TMEM117: variants seen among roughly 807,000 people sequenced by gnomAD.
TMEM117 encodes transmembrane protein 117.
A neutral mutation model predicts 52.4 loss-of-function variants in TMEM117; 27 were observed. That is an observed-to-expected ratio of 0.51 (90% CI 0.38 to 0.71). The LOEUF (loss-of-function observed/expected upper bound fraction) is 0.71. Among genes scored for constraint, TMEM117 ranks in the 30% least tolerant of loss-of-function variants. The pLI is 0.00. For synonymous variants in TMEM117, 215 were observed against 206.3 expected (o/e 1.04, Z -0.36); for missense variants, 556 against 630.5 (o/e 0.88, Z 1.26).
intron 6 of TMEM117, chr12:44,376,393 G>C (rs561377599): frequency 3.0e-6 from 2 of 665,224 alleles, no homozygotes; most frequent in South Asian, 1.6e-5. Context: ...GAAGATATAA[G>C]TTATGACTTA....
intron 5 of TMEM117, among the ~76,000 whole-genome samples, chr12:44,286,343 T>C (rs753922800): frequency 6.6e-5 from 10 of 151,010 alleles, no homozygotes; most frequent in Non-Finnish European, 1.3e-4. Context: ...AATAAATATG[T>C]TTTATTGTGT....
chr12:44,370,021 T>G (rs188123373), intron 6 of TMEM117, among the ~76,000 whole-genome samples: 21 of 152,304 alleles, frequency 1.4e-4, no homozygotes, highest in Admixed American at 1.3e-3. Context: ...TCTCTTAACA[T>G]TCAACCTTGC....
rs922891386 is a variant in TMEM117 at position 44,366,245 on chromosome 12, GGATTGT to G, written c.769-10348_769-10343del. ...GCTGTAGCCACCTCAGGCTTTGAAT[GGATTGT>G]GTCGGTATAAAGATAGGCAACTGCT... On this transcript the variant is annotated intron_variant, in intron 6 of 7. Coordinates refer to ENST00000266534, the MANE Select transcript of TMEM117 (RefSeq NM_032256.3). 6.7e-4 allele frequency among the ~76,000 whole-genome samples: 102 copies of G among 151,956 alleles called. 2 individuals are homozygous for G. Among genetic ancestry groups the G allele is most frequent in the Non-Finnish European group, 2.4e-4 (16 of 67,950 alleles).
intron 2 of TMEM117, among the ~76,000 whole-genome samples, chr12:43,878,385 T>C (rs1011861499): frequency 1.1e-4 from 17 of 152,328 alleles, no homozygotes; most frequent in African/African-American, 4.1e-4. Flanking sequence ...GCTGAAAATA[T>C]GGTCAGCTTA....
downstream of TMEM117, among the ~76,000 whole-genome samples, chr12:44,392,010 A>C (rs1055048873): frequency 6.6e-6 from 1 of 152,174 alleles, no homozygotes; most frequent in Admixed American, 6.6e-5. Context: ...TCTGCAGCAG[A>C]TAAACTGGCA....
Position 44,353,103 on chromosome 12 carries a change from G to A in TMEM117, c.769-23492G>A, listed in dbSNP as rs545514129. Among the ~76,000 whole-genome samples the A allele has an allele frequency of 1.4e-3, 218 of 151,990 alleles. 1 individual carries two copies. The highest frequency in any genetic ancestry group is 5.4e-3 in the South Asian group (26 of 4,804). On this transcript the variant is annotated intron_variant, in intron 6 of 7. Transcript: ENST00000266534. ...GCTGCATAAATGTCTTCTTTTGAGC[G>A]GTGTCTGTTCATATCCTTTGCCCAC...
intron 2 of TMEM117, among the ~76,000 whole-genome samples, chr12:43,861,209 G>A (rs891789182): frequency 7.9e-5 from 12 of 152,186 alleles, no homozygotes; most frequent in African/African-American, 2.9e-4. Flanking sequence ...GGAAGTCACA[G>A]TTGATTGTCT....
chr12:44,372,385 A>G (rs1019957187), intron 6 of TMEM117, among the ~76,000 whole-genome samples: 2 of 152,102 alleles, frequency 1.3e-5, no homozygotes, highest in African/African-American at 2.4e-5. Context: ...CTTCTATACA[A>G]TCTGTATATA....
At chr12:44,146,838 T>C (rs1015451415) in intron 4 of TMEM117, among the ~76,000 whole-genome samples, 1 of 152,224 alleles carries the variant, frequency 6.6e-6, no homozygotes, top group African/African-American at 2.4e-5. Context: ...AAAGTGTGTC[T>C]TTTATATATT....
chr12:44,070,754 T>G (rs2137981129), intron 3 of TMEM117, among the ~76,000 whole-genome samples: 1 of 152,302 alleles, frequency 6.6e-6, no homozygotes, highest in Non-Finnish European at 1.5e-5. Flanking sequence ...ACTTTAGCAT[T>G]ATATGAATAC....
intron 6 of TMEM117, among the ~76,000 whole-genome samples, chr12:44,359,011 A>C (rs1180136929): frequency 1.3e-5 from 2 of 152,178 alleles, no homozygotes; most frequent in Non-Finnish European, 2.9e-5. Flanking sequence ...TTATCCCATT[A>C]AATCTCACAG....
the TMEM117 span, chr12:43,797,587 C>A: frequency 7.0e-7 from 1 of 1,427,654 alleles, no homozygotes; most frequent in African/African-American, 1.4e-5. Context: ...TGAACATTTA[C>A]AAAATGAATT....
At chr12:44,230,238 C>T (rs1949915332) in intron 5 of TMEM117, among the ~76,000 whole-genome samples, 1 of 152,038 alleles carries the variant, frequency 6.6e-6, no homozygotes, top group South Asian at 2.1e-4. Flanking sequence ...GAGGGGCTGA[C>T]CCCTCGATAT....
chr12:44,036,471 T>C (rs900312555), intron 3 of TMEM117, among the ~76,000 whole-genome samples: 1 of 152,226 alleles, frequency 6.6e-6, no homozygotes, highest in Non-Finnish European at 1.5e-5. Context: ...TTATTTTTCA[T>C]TTGTGGAACT....
chr12:44,218,566 A>T (rs1565604855), intron 5 of TMEM117, among the ~76,000 whole-genome samples: 2 of 152,190 alleles, frequency 1.3e-5, no homozygotes, highest in South Asian at 2.1e-4. Flanking sequence ...TCCTCTGAAC[A>T]TGCCAAGGTT....
chr12:44,147,242 ACATGGGGTGTCT>A (rs1444790271), intron 4 of TMEM117, among the ~76,000 whole-genome samples: 1 of 152,192 alleles, frequency 6.6e-6, no homozygotes, highest in Non-Finnish European at 1.5e-5. Flanking sequence ...AAATAAAACA[ACATGGGGTGTCT>A]CACGAGACAC....
At chr12:44,377,919 G>T (rs1951964740) in intron 7 of TMEM117, among the ~76,000 whole-genome samples, 1 of 152,206 alleles carries the variant, frequency 6.6e-6, no homozygotes, top group African/African-American at 2.4e-5. Context: ...GAATAGGGAA[G>T]ATGCAGCAGG....
At chr12:44,114,803 A>G (rs1948108430) in intron 3 of TMEM117, among the ~76,000 whole-genome samples, 1 of 152,194 alleles carries the variant, frequency 6.6e-6, no homozygotes, top group African/African-American at 2.4e-5. Flanking sequence ...CGTTTAGCTA[A>G]TAGAACAAAC....
Position 43,939,093 on chromosome 12 carries a change from A to G in TMEM117, c.278-5117A>G, listed in dbSNP as rs145390140. 8.5e-5 allele frequency among the ~76,000 whole-genome samples: 13 copies of G among 152,312 alleles called. No homozygotes were observed. The East Asian group carries it at 2.5e-3, about 29-fold the overall frequency. On this transcript the variant is annotated intron_variant, in intron 2 of 7. Transcript: ENST00000266534. ...TTATAATTTAATCTAGTTTAAATTT[A>G]GTTTTTGTTTTCGCTTTTGTTATTT...
Sources: allele counts gnomAD v4.1 joint callset (sites outside exome capture counted in the v4.1 genomes callset), GRCh38; gene constraint gnomAD v4.1.1; transcripts MANE v1.5; gene names NCBI Gene and HGNC (gene_info 2026-07-23, HGNC 2026-07-21).